Variants in F11R observed in about 807,000 individuals in gnomAD.
The protein encoded by F11R is junctional adhesion molecule A.
In F11R, 27 loss-of-function variants were observed where a neutral mutation model predicts 39.3. That is an observed-to-expected ratio of 0.69 (90% CI 0.51 to 0.95). F11R has a LOEUF of 0.95. Among genes scored for constraint, F11R ranks in the 40% least tolerant of loss-of-function variants. The pLI is 0.00. For missense variants in F11R, 335 were observed against 372.7 expected, an observed-to-expected ratio of 0.90 and a Z score of 0.83; for synonymous variants, 131 against 144.9, an observed-to-expected ratio of 0.90 and a Z score of 0.69.
At chr1:161,000,121 T>A in intron 5 of F11R, 25 bp downstream of exon 5, 6 of 1,613,506 alleles carry the variant, frequency 3.7e-6, no homozygotes, top group Non-Finnish European at 5.1e-6. Context: ...CCCCCACACA[T>A]CTTTCACCAC....
At chr1:161,007,172 A>G (rs2101977759) in intron 1 of F11R, among the ~76,000 whole-genome samples, 1 of 149,756 alleles carries the variant, frequency 6.7e-6, no homozygotes, top group South Asian at 2.1e-4. Flanking sequence ...CGTCTCAAAA[A>G]AAAAAAAAAA....
chr1:161,014,431 G>A (rs1454539900), intron 1 of F11R, among the ~76,000 whole-genome samples: 1 of 152,160 alleles, frequency 6.6e-6, no homozygotes, highest in African/African-American at 2.4e-5. Flanking sequence ...TGGGCCAGGT[G>A]TAGTGACTCA....
chr1:161,010,441 CA>C lies in F11R; in HGVS notation c.65-9089del, dbSNP rs1248451719. Reference sequence around the variant, plus strand: ...CCTGGGTGACAGAGCGAGACTCCATCAAAAAAAAAAAAAAAACAGTTGATCC... The same window carrying C: ...CCTGGGTGACAGAGCGAGACTCCATCAAAAAAAAAAAAAAACAGTTGATCC... On this transcript the variant is annotated intron_variant, in intron 1 of 9. Transcript: ENST00000368026. 1.6e-3 allele frequency among the ~76,000 whole-genome samples: 132 copies of C among 80,262 alleles called. 4 individuals are homozygous for C. The highest frequency in any genetic ancestry group is 0.011 in the Middle Eastern group (1 of 90). 52.7% of individuals were successfully genotyped at this position (80,262 alleles called of 152,430 possible).
chr1:161,007,320 C>T (rs1403856118), intron 1 of F11R, among the ~76,000 whole-genome samples: 1 of 151,786 alleles, frequency 6.6e-6, no homozygotes, highest in Non-Finnish European at 1.5e-5. Context: ...ACAAAATTAA[C>T]CAGGCGTGGT....
At chr1:161,019,004 A>C (rs530919003) in intron 1 of F11R, among the ~76,000 whole-genome samples, 1 of 152,308 alleles carries the variant, frequency 6.6e-6, no homozygotes, top group South Asian at 2.1e-4. Flanking sequence ...AGAAAAAAGA[A>C]AGGAAGCAGT....
At chr1:161,016,990 A>G (rs1381539931) in intron 1 of F11R, among the ~76,000 whole-genome samples, 1 of 152,212 alleles carries the variant, frequency 6.6e-6, no homozygotes, top group African/African-American at 2.4e-5. Flanking sequence ...TCTCTGAAAC[A>G]TGTGCTGTGT....
chr1:160,999,749 T>C lies in F11R; in HGVS notation c.695-2A>G, dbSNP rs771595642. The C allele has an allele frequency of 1.2e-6, 2 of 1,614,024 alleles. No homozygotes were observed. Among genetic ancestry groups the C allele is most frequent in the Non-Finnish European group, 1.7e-6 (2 of 1,179,928 alleles). On this transcript the variant is annotated splice_acceptor_variant, in intron 6 of 9. Transcript: ENST00000368026. LOFTEE classifies it high-confidence loss of function. ...CGATGACCCCCACATTCCGCTCCAC[T>C]GCGAGACACAAATAAGAAGTCAGGC... is the stretch of plus-strand genomic sequence containing the variant.
intron 1 of F11R, 76 bp from the exon 2 acceptor site, chr1:161,001,429 T>A: frequency 8.0e-7 from 1 of 1,256,998 alleles, no homozygotes; most frequent in Non-Finnish European, 1.2e-6. Flanking sequence ...ACAGACCCAG[T>A]GGACAGGGCT....
chr1:161,012,815 G>A (rs1032078315), intron 1 of F11R, among the ~76,000 whole-genome samples: 3 of 151,880 alleles, frequency 2.0e-5, no homozygotes, highest in Admixed American at 6.6e-5. Context: ...GGTAGAAACA[G>A]GGTTTCACCA....
At chr1:161,011,522 A>G (rs1649159288) in intron 1 of F11R, among the ~76,000 whole-genome samples, 1 of 152,026 alleles carries the variant, frequency 6.6e-6, no homozygotes, top group Admixed American at 6.6e-5. Flanking sequence ...GGTGGTCAGG[A>G]GTTCAGGACC....
chr1:161,000,630 C>A lies in F11R; in HGVS notation c.388+1G>T. ...CCACCCAGAAGACATGGGGCACGTA[C>A]CAAGCACGATGAGCTTGACCTTGAC... On this transcript the variant is annotated splice_donor_variant, in intron 4 of 9. Coordinates refer to ENST00000368026, the MANE Select transcript of F11R (RefSeq NM_016946.6). LOFTEE classifies it high-confidence loss of function. 1 of 1,614,156 alleles carries A rather than the reference C, an allele frequency of 6.2e-7. No individual in the cohort carries two copies.
chr1:161,003,575 T>C (rs1313245493), intron 1 of F11R, among the ~76,000 whole-genome samples: 4 of 151,806 alleles, frequency 2.6e-5, no homozygotes, highest in African/African-American at 4.8e-5. Flanking sequence ...ATTTTCTTTT[T>C]TTTCTTTTGT....
chr1:161,014,778 A>G (rs1341595214), intron 1 of F11R, among the ~76,000 whole-genome samples: 1 of 152,040 alleles, frequency 6.6e-6, no homozygotes, highest in Non-Finnish European at 1.5e-5. Flanking sequence ...TATCTCTACT[A>G]AAAATACAAA....
intron 4 of F11R, 83 bp downstream of exon 4, chr1:161,000,548 C>G: frequency 6.3e-7 from 1 of 1,579,934 alleles, no homozygotes; most frequent in Non-Finnish European, 8.7e-7. Context: ...GTATTCTCAC[C>G]ATCAAAGAGC....
chr1:161,009,458 C>CAAA (rs60908472), intron 1 of F11R, among the ~76,000 whole-genome samples: 1 of 139,180 alleles, frequency 7.2e-6, no homozygotes, highest in East Asian at 2.1e-4. Context: ...CCATCTGTAC[C>CAAA]AAAAAAAAAA....
intron 1 of F11R, among the ~76,000 whole-genome samples, chr1:161,010,443 A>AAAAAAAAAAAAAAAC (rs1553210824): frequency 1.1e-4 from 16 of 146,920 alleles, no homozygotes; most frequent in African/African-American, 3.9e-4. Flanking sequence ...GACTCCATCA[A>AAAAAAAAAAAAAAAC]AAAAAAAAAA....
chr1:161,004,302 A>G (rs549489993), intron 1 of F11R, among the ~76,000 whole-genome samples: 5 of 152,064 alleles, frequency 3.3e-5, no homozygotes, highest in Non-Finnish European at 7.4e-5. Flanking sequence ...GGTCACACCT[A>G]TAACCCCAGC....
At position 161,000,161 on chromosome 1, in the gene F11R, G is replaced by A. The variant is rs1648387703; in HGVS notation, c.576C>T (p.Pro192=). ...CCATACATACCAGCTCTCCTGTTGT[G>A]GGATTCAGGACATAGGAAGAGTTGC... is the stretch of plus-strand genomic sequence containing the variant. The part of the protein sequence containing the change: ...AFSNSSYVLN[P]TTGELVFDPL... The change falls in exon 5 of 10, where the codon CCC becomes CCT. Residue 192 remains proline, a synonymous_variant. Transcript: ENST00000368026. The A allele has an allele frequency of 1.2e-6, 2 of 1,613,976 alleles. No homozygotes were observed. Among genetic ancestry groups the A allele is most frequent in the Middle Eastern group, 1.6e-4 (1 of 6,076 alleles).
chr1:161,017,848 AAGCTAGAAGGGCTTG>A (rs1165699237), intron 1 of F11R, among the ~76,000 whole-genome samples: 1 of 152,204 alleles, frequency 6.6e-6, no homozygotes, highest in Non-Finnish European at 1.5e-5. Flanking sequence ...TGAAAGGGCA[AAGCTAGAAGGGCTTG>A]AGTCAGAAAC....
Sources: gnomAD v4.1 joint callset for allele counts (sites outside exome capture counted in the v4.1 genomes callset) on GRCh38, gnomAD v4.1.1 for gene constraint, MANE v1.5 for transcripts, NCBI Gene and HGNC (gene_info 2026-07-23, HGNC 2026-07-21) for gene names.